Variants in RBMS1 observed in about 807,000 individuals in gnomAD.
The protein encoded by RBMS1 is RNA-binding motif, single-stranded-interacting protein 1.
In RBMS1, 17 loss-of-function variants were observed where a neutral mutation model predicts 62.3. The ratio of observed to expected loss-of-function variants is 0.27; its 90% CI spans 0.19 to 0.41. RBMS1 has a LOEUF of 0.41. Among genes scored for constraint, RBMS1 ranks in the 10% least tolerant of loss-of-function variants. The probability of loss-of-function intolerance (pLI) is 1.00; values close to 1 mark genes in which losing one functional copy is unlikely to be tolerated. For synonymous variants in RBMS1, 172 were observed against 170.0 expected, an observed-to-expected ratio of 1.01 and a Z score of -0.09; for missense variants, 334 against 504.5, an observed-to-expected ratio of 0.66 and a Z score of 3.24.
intron 2 of RBMS1, among the ~76,000 whole-genome samples, chr2:160,328,479 T>C (rs1355729133): frequency 2.0e-5 from 3 of 151,950 alleles, no homozygotes; most frequent in African/African-American, 2.4e-5. Flanking sequence ...ACATGTAATA[T>C]GATTTTCCCC....
intron 6 of RBMS1, among the ~76,000 whole-genome samples, chr2:160,290,395 T>C (rs1178977803): frequency 2.0e-5 from 3 of 152,106 alleles, no homozygotes; most frequent in Non-Finnish European, 2.9e-5. Context: ...TCTATATGCA[T>C]GGTTACTTTT....
intron 2 of RBMS1, among the ~76,000 whole-genome samples, chr2:160,351,096 TG>T (rs1692469780): frequency 6.7e-6 from 1 of 150,362 alleles, no homozygotes; most frequent in Non-Finnish European, 1.5e-5. Flanking sequence ...AAACACCGCA[TG>T]TTCTCACTCA....
At chr2:160,452,619 C>G (rs1276599815) in intron 1 of RBMS1, among the ~76,000 whole-genome samples, 2 of 152,178 alleles carry the variant, frequency 1.3e-5, no homozygotes, top group African/African-American at 4.8e-5. Context: ...CAACTGTATT[C>G]TCTTCCAAGG....
At chr2:160,382,291 C>T (rs2105190915) in intron 1 of RBMS1, among the ~76,000 whole-genome samples, 1 of 152,280 alleles carries the variant, frequency 6.6e-6, no homozygotes, top group East Asian at 1.9e-4. Context: ...ATATCATTTT[C>T]CTCACTGAAA....
At chr2:160,313,344 A>G (rs1690038168) in intron 3 of RBMS1, 97 bp from the exon 4 acceptor site, 4 of 1,195,022 alleles carry the variant, frequency 3.3e-6, no homozygotes, top group Non-Finnish European at 1.2e-6. Context: ...TGTGGGCAAG[A>G]GACATGAAAA....
At chr2:160,464,316 A>C (rs1186073907) in intron 1 of RBMS1, among the ~76,000 whole-genome samples, 1 of 152,250 alleles carries the variant, frequency 6.6e-6, no homozygotes, top group African/African-American at 2.4e-5. Flanking sequence ...CTATGCAACA[A>C]AATGAATAAA....
chr2:160,444,435 T>A (rs1159072045), intron 1 of RBMS1, among the ~76,000 whole-genome samples: 1 of 152,252 alleles, frequency 6.6e-6, no homozygotes, highest in Non-Finnish European at 1.5e-5. Flanking sequence ...GAGCACTTTA[T>A]AAATGCCATA....
intron 1 of RBMS1, among the ~76,000 whole-genome samples, chr2:160,468,623 A>G (rs1322536413): frequency 1.3e-5 from 2 of 152,090 alleles, no homozygotes; most frequent in Non-Finnish European, 2.9e-5. Context: ...GGGACAGGTA[A>G]ATTTGATCAT....
At chr2:160,321,800 A>G (rs918562276) in intron 2 of RBMS1, among the ~76,000 whole-genome samples, 4 of 152,096 alleles carry the variant, frequency 2.6e-5, no homozygotes, top group Admixed American at 6.5e-5. Context: ...TTTGTCTTTG[A>G]TATGTTTCCA....
intron 1 of RBMS1, among the ~76,000 whole-genome samples, chr2:160,428,428 A>G (rs1000819159): frequency 6.6e-6 from 1 of 152,210 alleles, no homozygotes; most frequent in African/African-American, 2.4e-5. Flanking sequence ...TTGCTATTTC[A>G]TAGTTTAGTC....
chr2:160,403,327 C>T (rs185231267), intron 1 of RBMS1, among the ~76,000 whole-genome samples: 38 of 152,304 alleles, frequency 2.5e-4, no homozygotes, highest in African/African-American at 8.9e-4. Flanking sequence ...AAAACAACAA[C>T]AAATTGGGAC....
chr2:160,407,928 G>A, intron 1 of RBMS1: 2 of 980,132 alleles, frequency 2.0e-6, no homozygotes, highest in Non-Finnish European at 2.4e-6. Context: ...CGGGGGCGGG[G>A]AGGCGGCAGC....
rs1238078119 is a variant in RBMS1, at chr2:160,460,599, C to T, written c.75+32690G>A. ...TGCCACTACACAACAGTGCCTGCTT[C>T]CTTTTCTAACACAGGCCATTGGACA... On this transcript the variant is annotated intron_variant, in intron 1 of 13. Transcript: ENST00000348849. Among the ~76,000 whole-genome samples, 3 of 152,184 alleles carry T rather than the reference C, an allele frequency of 2.0e-5. No homozygotes were observed. In the East Asian group the frequency reaches 5.8e-4, roughly 29 times the overall value.
At position 160,416,632 on chromosome 2, in the gene RBMS1, A is replaced by G. The variant is rs78858099; in HGVS notation, c.76-49241T>C. On this transcript the variant is annotated intron_variant, in intron 1 of 13. Coordinates refer to ENST00000348849, the MANE Select transcript of RBMS1 (RefSeq NM_016836.4). Reference sequence around the variant, plus strand: ...TGCCGACCTTTTTTTGAACAGGTAGATACCCTCAGGTCGATCAGGCAACTT... The same window carrying G: ...TGCCGACCTTTTTTTGAACAGGTAGGTACCCTCAGGTCGATCAGGCAACTT... Among the ~76,000 whole-genome samples the G allele has an allele frequency of 2.2e-3, 330 of 152,304 alleles. 5 individuals are homozygous for G. Among genetic ancestry groups the G allele is most frequent in the African/African-American group, 7.4e-3 (308 of 41,562 alleles).
intron 1 of RBMS1, among the ~76,000 whole-genome samples, chr2:160,474,584 C>T (rs1319125566): frequency 6.6e-6 from 1 of 152,206 alleles, no homozygotes; most frequent in Non-Finnish European, 1.5e-5. Flanking sequence ...TTCAACGCCA[C>T]TGAATTGTAC....
intron 1 of RBMS1, among the ~76,000 whole-genome samples, chr2:160,370,741 T>A (rs539013640): frequency 1.3e-5 from 2 of 152,358 alleles, no homozygotes; most frequent in Admixed American, 6.5e-5. Flanking sequence ...CTATTTGTAT[T>A]CTTTCATTTT....
chr2:160,489,570 GC>G (rs1685736391), intron 1 of RBMS1, among the ~76,000 whole-genome samples: 1 of 152,010 alleles, frequency 6.6e-6, no homozygotes, highest in Non-Finnish European at 1.5e-5. Context: ...CAGAAAAACT[GC>G]TTTGTTCTAC....
rs113815140 is a variant in RBMS1, at chr2:160,425,758, T to C, written c.76-58367A>G. Among the ~76,000 whole-genome samples, 988 of 152,286 alleles carry C rather than the reference T, an allele frequency of 6.5e-3. 4 individuals are homozygous for C. The highest frequency in any genetic ancestry group is 0.014 in the Middle Eastern group (4 of 294). ...ATTTTGTGCCTTGAATGGAAAACTG[T>C]CATCCAACTGGTCTCCATAGACCCA... is the stretch of plus-strand genomic sequence containing the variant. On this transcript the variant is annotated intron_variant, in intron 1 of 13. Coordinates refer to ENST00000348849, the MANE Select transcript of RBMS1 (RefSeq NM_016836.4).
chr2:160,435,901 T>C (rs1187780457), intron 1 of RBMS1, among the ~76,000 whole-genome samples: 3 of 152,224 alleles, frequency 2.0e-5, no homozygotes, highest in African/African-American at 7.2e-5. Flanking sequence ...TTAATGAGAA[T>C]GGATAATTTG....
Sources: allele counts gnomAD v4.1 joint callset (sites outside exome capture counted in the v4.1 genomes callset), GRCh38; gene constraint gnomAD v4.1.1; transcripts MANE v1.5; gene names NCBI Gene and HGNC (gene_info 2026-07-23, HGNC 2026-07-21).